PADI4: variants seen among roughly 807,000 people sequenced by gnomAD.
The protein encoded by PADI4 is protein-arginine deiminase type-4.
In PADI4, 62 loss-of-function variants were observed where a neutral mutation model predicts 75.0. The ratio of observed to expected loss-of-function variants is 0.83; its 90% confidence interval spans 0.67 to 1.02. The LOEUF (loss-of-function observed/expected upper bound fraction) is 1.02, where lower values mean the gene tolerates loss of function less well. Among genes scored for constraint, PADI4 ranks in the 50% least tolerant of loss-of-function variants. The pLI is 0.00. For missense variants in PADI4, 845 were observed against 850.5 expected, an observed-to-expected ratio of 0.99 and a Z score of 0.08; for synonymous variants, 361 against 348.1, an observed-to-expected ratio of 1.04 and a Z score of -0.41.
At chr1:17,323,560 T>A (rs920608993) in intron 1 of PADI4, among the ~76,000 whole-genome samples, 2 of 152,172 alleles carry the variant, frequency 1.3e-5, no homozygotes, top group African/African-American at 4.8e-5. Flanking sequence ...CTAAGCCAGG[T>A]ACTGTGATTC....
chr1:17,327,460 C>G (rs1287917165), intron 1 of PADI4, among the ~76,000 whole-genome samples: 1 of 151,786 alleles, frequency 6.6e-6, no homozygotes, highest in Non-Finnish European at 1.5e-5. Flanking sequence ...TTCTTATAAT[C>G]AGTATATTAC....
At chr1:17,314,316 G>A (rs2073896085) in intron 1 of PADI4, among the ~76,000 whole-genome samples, 1 of 152,258 alleles carries the variant, frequency 6.6e-6, no homozygotes, top group East Asian at 1.9e-4. Flanking sequence ...GGCTTTGAGA[G>A]AATGAAGGAA....
Position 17,346,179 on chromosome 1 carries a change from G to A in PADI4, c.1047+40G>A, listed in dbSNP as rs371595737. On this transcript the variant is annotated intron_variant, in intron 9 of 15. Coordinates refer to ENST00000375448, the MANE Select transcript of PADI4 (RefSeq NM_012387.3). The surrounding 1 kb of genome is among the most constrained non-coding windows in gnomAD (Gnocchi z 4.3). ...GGGCAGGCAGGGTGACTGTCCCTGA[G>A]GGCCAAGAGACACTTGGGGGACCCG... 2.5e-5 allele frequency: 35 copies of A among 1,374,634 alleles called. No individual in the cohort carries two copies. The South Asian group carries it at 4.0e-4, about 16-fold the overall frequency. 85.2% of individuals were successfully genotyped at this position (1,374,634 alleles called of 1,614,324 possible). A position where few individuals can be genotyped will look rare whatever the true frequency, so the allele number is the denominator to read the frequency against.
chr1:17,312,490 G>A (rs1042834939), intron 1 of PADI4, among the ~76,000 whole-genome samples: 24 of 151,484 alleles, frequency 1.6e-4, no homozygotes, highest in Admixed American at 1.6e-3. Flanking sequence ...TGGGTATTGG[G>A]GCAAAGAGGA....
chr1:17,313,497 T>TGAAA (rs1304911756), intron 1 of PADI4, among the ~76,000 whole-genome samples: 1 of 3,588 alleles, frequency 2.8e-4, no homozygotes, highest in African/African-American at 1.1e-3. Flanking sequence ...CAAGACCTTG[T>TGAAA]CAAAAAAAAA....
intron 10 of PADI4, among the ~76,000 whole-genome samples, chr1:17,354,205 G>C (rs931586479): frequency 1.3e-5 from 2 of 152,042 alleles, no homozygotes; most frequent in Non-Finnish European, 2.9e-5. Context: ...ATCATGCCAC[G>C]GCCCTCCAAC....
chr1:17,325,796 C>T (rs1372688292), intron 1 of PADI4, among the ~76,000 whole-genome samples: 1 of 151,960 alleles, frequency 6.6e-6, no homozygotes, highest in Admixed American at 6.6e-5. Flanking sequence ...GCAACCTCTG[C>T]CTCCCAGGTT....
chr1:17,350,934 C>T (rs1267584854), intron 10 of PADI4, among the ~76,000 whole-genome samples: 1 of 126,984 alleles, frequency 7.9e-6, no homozygotes, highest in Non-Finnish European at 1.8e-5. Context: ...TACCTGTAAT[C>T]CTAGCACTTT....
At chr1:17,310,621 T>C (rs1176974152) in intron 1 of PADI4, among the ~76,000 whole-genome samples, 1 of 148,522 alleles carries the variant, frequency 6.7e-6, no homozygotes, top group East Asian at 1.9e-4. Flanking sequence ...TAAGACTCTG[T>C]CTCAAAAAAA....
chr1:17,349,702 C>CAAA lies in PADI4; in HGVS notation c.1155+1667_1155+1669dup, dbSNP rs199868632. The stretch of plus-strand genomic sequence containing the variant: ...CCTGGGTGACAGAGCAAGACTGTAT[C>CAAA]AAAAAAAAAAAAAAAGAAAGAAAAA... On this transcript the variant is annotated intron_variant, in intron 10 of 15. Coordinates refer to ENST00000375448, the MANE Select transcript of PADI4 (RefSeq NM_012387.3). Among the ~76,000 whole-genome samples the CAAA allele has an allele frequency of 7.5e-3, 595 of 79,118 alleles. 27 individuals carry two copies. Among genetic ancestry groups the CAAA allele is most frequent in the African/African-American group, 0.021 (567 of 27,594 alleles). 51.9% of individuals were successfully genotyped at this position (79,118 alleles called of 152,430 possible).
At chr1:17,339,341 C>T (rs1009858512) in intron 5 of PADI4, among the ~76,000 whole-genome samples, 4 of 152,280 alleles carry the variant, frequency 2.6e-5, no homozygotes, top group South Asian at 2.1e-4. Flanking sequence ...GAGCGCCTGC[C>T]GCCTGCTGGT....
intron 1 of PADI4, among the ~76,000 whole-genome samples, chr1:17,324,674 G>A (rs980156731): frequency 1.3e-5 from 2 of 151,898 alleles, no homozygotes; most frequent in Non-Finnish European, 2.9e-5. Flanking sequence ...TTTTCCTTCA[G>A]GTTTACTGGT....
At chr1:17,341,217 G>A (rs2074413311) in intron 6 of PADI4, among the ~76,000 whole-genome samples, 2 of 151,484 alleles carry the variant, frequency 1.3e-5, no homozygotes, top group South Asian at 4.2e-4. Flanking sequence ...TCCTGCCTCA[G>A]CCTCCCGAGT....
intron 11 of PADI4, 59 bp downstream of exon 11, chr1:17,354,746 GAGGCCA>G: frequency 6.7e-7 from 1 of 1,499,292 alleles, no homozygotes; most frequent in East Asian, 2.3e-5. Flanking sequence ...TAGAAAAGCA[GAGGCCA>G]GAGTGGAAGC....
intron 2 of PADI4, among the ~76,000 whole-genome samples, chr1:17,332,396 G>A (rs1445394534): frequency 3.9e-5 from 6 of 152,038 alleles, no homozygotes; most frequent in African/African-American, 1.5e-4. Context: ...ACAGGCACTC[G>A]CCACCATGCC....
chr1:17,327,546 CTTT>C (rs896435072), intron 1 of PADI4, among the ~76,000 whole-genome samples: 2 of 143,054 alleles, frequency 1.4e-5, no homozygotes, highest in Non-Finnish European at 1.5e-5. Context: ...TGATTATTTA[CTTT>C]TTTTTTTTTT....
At chr1:17,323,867 A>AAC (rs1553143600) in intron 1 of PADI4, among the ~76,000 whole-genome samples, 70 of 151,746 alleles carry the variant, frequency 4.6e-4, no homozygotes, top group Non-Finnish European at 8.7e-4. Flanking sequence ...AACAAAAAAA[A>AAC]CACAAACAAA....
rs573336410 is a variant in PADI4, at chr1:17,352,572, T to C, written c.1156-1961T>C. Among the ~76,000 whole-genome samples, 72 of 152,092 alleles carry C rather than the reference T, an allele frequency of 4.7e-4. 1 individual carries two copies. Among genetic ancestry groups the C allele is most frequent in the African/African-American group, 1.6e-3 (68 of 41,474 alleles). ...GTGAGAAGCCATGAGATTCCGGCTA[T>C]GTCTGGAAGGCAGAGCCAGCAGGGC... is the stretch of plus-strand genomic sequence containing the variant. On this transcript the variant is annotated intron_variant, in intron 10 of 15. Transcript: ENST00000375448.
chr1:17,357,260 C>T (rs1039418519), intron 13 of PADI4, among the ~76,000 whole-genome samples: 4 of 152,252 alleles, frequency 2.6e-5, no homozygotes, highest in East Asian at 3.9e-4. Context: ...CTCTGCATCC[C>T]GGGTTCAAGT....
Sources: gnomAD v4.1 joint callset for allele counts (sites outside exome capture counted in the v4.1 genomes callset) on GRCh38, gnomAD v4.1.1 for gene constraint, Gnocchi (gnomAD v3.1) non-coding constraint, MANE v1.5 for transcripts, NCBI Gene and HGNC (gene_info 2026-07-23, HGNC 2026-07-21) for gene names.